DNAAF9: variants seen among roughly 807,000 people sequenced by gnomAD.
DNAAF9 encodes shulin.
A neutral mutation model predicts 167.0 loss-of-function variants in DNAAF9; 90 were observed. That is an observed-to-expected ratio of 0.54 (90% CI 0.45 to 0.64). The LOEUF is 0.64. Among genes scored for constraint, DNAAF9 ranks in the 30% least tolerant of loss-of-function variants. DNAAF9 has a pLI of 0.00. For missense variants in DNAAF9, 1,315 were observed against 1,442.2 expected (o/e 0.91, Z 1.43); for synonymous variants, 491 against 508.8 (o/e 0.96, Z 0.47).
intron 34 of DNAAF9, 21 bp from the exon 35 acceptor site, chr20:3,255,305 G>C (rs1176601197): frequency 5.3e-6 from 8 of 1,505,842 alleles, no homozygotes; most frequent in Non-Finnish European, 7.2e-6. Context: ...GGGGAGTGGA[G>C]GGTCAGGTCC....
At chr20:3,348,362 A>G (rs183013916) in intron 8 of DNAAF9, among the ~76,000 whole-genome samples, 163 bp downstream of exon 8, 48 of 152,324 alleles carry the variant, frequency 3.2e-4, no homozygotes, top group African/African-American at 1.1e-3. Context: ...CTTTTTATAA[A>G]GGGTTGGCAT....
At chr20:3,375,366 T>G (rs1282653137) in intron 4 of DNAAF9, among the ~76,000 whole-genome samples, 1 of 152,132 alleles carries the variant, frequency 6.6e-6, no homozygotes, top group Non-Finnish European at 1.5e-5. Context: ...ATGCAAGAGA[T>G]AACACTTTTC....
At chr20:3,260,271 G>A (rs966651505) in intron 31 of DNAAF9, among the ~76,000 whole-genome samples, 1 of 152,058 alleles carries the variant, frequency 6.6e-6, no homozygotes, top group African/African-American at 2.4e-5. Flanking sequence ...CCCGGGAAGC[G>A]GAGCTTGCAG....
intron 7 of DNAAF9, among the ~76,000 whole-genome samples, chr20:3,358,912 T>C (rs933152977): frequency 2.0e-5 from 3 of 152,174 alleles, no homozygotes; most frequent in African/African-American, 4.8e-5. Flanking sequence ...TAGTTCTGTT[T>C]GTTGCCGCTC....
intron 23 of DNAAF9, chr20:3,296,141 A>G: frequency 1.6e-6 from 1 of 623,692 alleles, no homozygotes; most frequent in Non-Finnish European, 3.1e-6. Flanking sequence ...ATTAGCTTCA[A>G]GTTCTGCAAC....
intron 20 of DNAAF9, among the ~76,000 whole-genome samples, chr20:3,307,691 A>T (rs970651743): frequency 6.6e-6 from 1 of 152,112 alleles, no homozygotes; most frequent in Non-Finnish European, 1.5e-5. Flanking sequence ...CAAAACCAGG[A>T]GGACTGCAGT....
intron 36 of DNAAF9, 124 bp downstream of exon 36, chr20:3,253,602 C>T (rs2068229273): frequency 2.9e-6 from 2 of 683,482 alleles, no homozygotes; most frequent in Non-Finnish European, 5.3e-6. Context: ...CATCAGTGGA[C>T]ATGCAGAGTG....
intron 1 of DNAAF9, among the ~76,000 whole-genome samples, chr20:3,396,947 G>A (rs901785931): frequency 6.6e-6 from 1 of 152,168 alleles, no homozygotes; most frequent in Non-Finnish European, 1.5e-5. Flanking sequence ...CTGAGAGACC[G>A]ATTAAGACTC....
chr20:3,329,988 A>T (rs2069791510), intron 12 of DNAAF9, among the ~76,000 whole-genome samples: 1 of 152,234 alleles, frequency 6.6e-6, no homozygotes, highest in Non-Finnish European at 1.5e-5. Flanking sequence ...TCTTCAGACC[A>T]GTTGGGGTTT....
chr20:3,299,515 T>C (rs2069145566), intron 21 of DNAAF9, among the ~76,000 whole-genome samples: 2 of 152,198 alleles, frequency 1.3e-5, no homozygotes, highest in South Asian at 2.1e-4. Flanking sequence ...TTTTGCCATG[T>C]TGGCCAGGCT....
chr20:3,359,511 C>G lies in DNAAF9; in HGVS notation c.690+5G>C. On this transcript the variant is annotated splice_donor_5th_base_variant and intron_variant, in intron 7 of 36. Transcript: ENST00000252032. ...ATATTTAAAAGTTACTGTTTGGCTC[C>G]TTACATCTGAAAGCAAACTCTCCAG... 1.2e-6 allele frequency: 2 copies of G among 1,600,108 alleles called. No individual in the cohort carries two copies. Among genetic ancestry groups the G allele is most frequent in the Non-Finnish European group, 1.7e-6 (2 of 1,169,862 alleles).
At chr20:3,312,526 C>T (rs1008959917) in intron 20 of DNAAF9, among the ~76,000 whole-genome samples, 1 of 152,082 alleles carries the variant, frequency 6.6e-6, no homozygotes, top group African/African-American at 2.4e-5. Flanking sequence ...GATAATGCAT[C>T]CTGAGGAGCT....
intron 1 of DNAAF9, chr20:3,384,226 C>T (rs2083702213): frequency 6.6e-6 from 1 of 152,266 alleles, no homozygotes; most frequent in African/African-American, 2.4e-5. Flanking sequence ...AAAGATAGTA[C>T]CAAAGACTAT....
intron 7 of DNAAF9, among the ~76,000 whole-genome samples, chr20:3,349,213 A>AC (rs1298330892): frequency 6.6e-6 from 1 of 150,590 alleles, no homozygotes; most frequent in Non-Finnish European, 1.5e-5. Context: ...ACAAAAAAAA[A>AC]AAAAACACCA....
At chr20:3,323,342 C>T (rs1287564949) in intron 14 of DNAAF9, among the ~76,000 whole-genome samples, 3 of 131,420 alleles carry the variant, frequency 2.3e-5, no homozygotes, top group Non-Finnish European at 3.1e-5. Context: ...AGTGCAGTGG[C>T]GCAATCTCGA....
intron 12 of DNAAF9, among the ~76,000 whole-genome samples, chr20:3,330,117 G>T (rs2069793709): frequency 6.6e-6 from 1 of 152,200 alleles, no homozygotes; most frequent in Non-Finnish European, 1.5e-5. Context: ...TGGGTGTGCA[G>T]GTAAGAAGTC....
At chr20:3,299,608 G>A (rs1051238128) in intron 21 of DNAAF9, among the ~76,000 whole-genome samples, 5 of 152,254 alleles carry the variant, frequency 3.3e-5, no homozygotes, top group South Asian at 4.1e-4. Flanking sequence ...CACCGCACCC[G>A]GCCTCTCAGC....
chr20:3,298,951 C>G (rs2069133481), intron 21 of DNAAF9, among the ~76,000 whole-genome samples: 1 of 145,378 alleles, frequency 6.9e-6, no homozygotes, highest in Non-Finnish European at 1.5e-5. Context: ...CTCTGTCGTC[C>G]AGGCTGGAGT....
Position 3,278,936 on chromosome 20 carries a change from T to C in DNAAF9, c.2626A>G (p.Lys876Glu). The C allele has an allele frequency of 6.2e-7, 1 of 1,601,878 alleles. No individual in the cohort carries two copies. The highest frequency in any genetic ancestry group is 1.1e-5 in the South Asian group (1 of 90,456). Residue 876 changes from lysine to glutamate, a missense_variant, in exon 29 of 37, where the codon AAA (lysine) becomes GAA (glutamate). Coordinates refer to ENST00000252032, the MANE Select transcript of DNAAF9 (RefSeq NM_001009984.3). ...CCTTGTGAACACTGGTCAAGACATT[T>C]AGGAAAGAGAAATCTAGGGGGAAAA... The part of the protein sequence containing the change: ...CYMEHRFLFP[K>E]CLDQCSQGLV...
Sources: allele counts gnomAD v4.1 joint callset (sites outside exome capture counted in the v4.1 genomes callset), GRCh38; gene constraint gnomAD v4.1.1; transcripts MANE v1.5; gene names NCBI Gene and HGNC (gene_info 2026-07-23, HGNC 2026-07-21).